CDK17: variants seen among roughly 807,000 people sequenced by gnomAD.
CDK17 encodes the protein cyclin dependent kinase 17, also known as cyclin-dependent kinase 17.
A neutral mutation model predicts 77.6 loss-of-function variants in CDK17; 24 were observed. The ratio of observed to expected loss-of-function variants is 0.31; its 90% CI spans 0.22 to 0.44. The LOEUF is 0.44. CDK17 is among the 20% of genes least tolerant of loss of function. CDK17 has a pLI of 1.00. For synonymous variants in CDK17, 203 were observed against 210.4 expected (o/e 0.96, Z 0.30); for missense variants, 429 against 622.5 (o/e 0.69, Z 3.31).
intron 5 of CDK17, among the ~76,000 whole-genome samples, chr12:96,301,367 G>A (rs1226578991): frequency 2.0e-5 from 3 of 151,520 alleles, no homozygotes; most frequent in African/African-American, 7.3e-5. Context: ...ATGATAAACA[G>A]GGTACATGAA....
chr12:96,358,152 A>G (rs1953429960), intron 1 of CDK17, among the ~76,000 whole-genome samples: 1 of 152,140 alleles, frequency 6.6e-6, no homozygotes, highest in Admixed American at 6.6e-5. Context: ...ATGCTTTTTA[A>G]AAATACAAAG....
intron 1 of CDK17, among the ~76,000 whole-genome samples, chr12:96,384,200 A>G (rs1953932875): frequency 1.3e-5 from 2 of 152,228 alleles, no homozygotes; most frequent in Non-Finnish European, 2.9e-5. Flanking sequence ...AACCACAACA[A>G]AATACCATCT....
At chr12:96,297,576 C>T in intron 8 of CDK17, 51 bp downstream of exon 8, 2 of 1,093,194 alleles carry the variant, frequency 1.8e-6, no homozygotes, top group Non-Finnish European at 2.7e-6. Context: ...GTCCAATTTA[C>T]TATGTTTTTC....
intron 5 of CDK17, among the ~76,000 whole-genome samples, chr12:96,303,702 A>G (rs913505001): frequency 8.5e-5 from 13 of 152,050 alleles, no homozygotes; most frequent in South Asian, 2.1e-4. Context: ...TTAAATTATA[A>G]TTTATAATAG....
At chr12:96,399,545 T>G (rs981779362) in intron 1 of CDK17, 3 of 145,190 alleles carry the variant, frequency 2.1e-5, no homozygotes, top group Admixed American at 6.8e-5. Flanking sequence ...GCCCCTTCCT[T>G]CCCCTCCCGG....
intron 1 of CDK17, among the ~76,000 whole-genome samples, chr12:96,375,709 T>C (rs1953769058): frequency 6.6e-6 from 1 of 151,880 alleles, no homozygotes; most frequent in Non-Finnish European, 1.5e-5. Flanking sequence ...CACGCCTGGG[T>C]AATTTTTTGT....
intron 2 of CDK17, among the ~76,000 whole-genome samples, chr12:96,329,946 ACTT>A (rs1952944300): frequency 6.6e-6 from 1 of 152,228 alleles, no homozygotes; most frequent in Non-Finnish European, 1.5e-5. Flanking sequence ...TTTTGGTGTT[ACTT>A]CTAATGCTAA....
intron 1 of CDK17, among the ~76,000 whole-genome samples, chr12:96,399,733 A>T (rs961282019): frequency 3.3e-5 from 5 of 151,960 alleles, no homozygotes; most frequent in Non-Finnish European, 7.4e-5. Flanking sequence ...CCTGGGAAGC[A>T]GCTCGCAGAC....
chr12:96,290,283 G>T (rs563120133), intron 10 of CDK17, among the ~76,000 whole-genome samples: 1 of 152,280 alleles, frequency 6.6e-6, no homozygotes, highest in Non-Finnish European at 1.5e-5. Flanking sequence ...TTACCTCGAA[G>T]CCTCTAAATT....
intron 1 of CDK17, among the ~76,000 whole-genome samples, chr12:96,386,060 C>T (rs910700131): frequency 6.6e-6 from 1 of 152,326 alleles, no homozygotes; most frequent in Non-Finnish European, 1.5e-5. Flanking sequence ...AACTCTGTCA[C>T]GCTGGCTGGG....
intron 1 of CDK17, among the ~76,000 whole-genome samples, chr12:96,356,845 A>G (rs1953401486): frequency 6.6e-6 from 1 of 152,232 alleles, no homozygotes; most frequent in East Asian, 1.9e-4. Context: ...CTTTAAACAT[A>G]TTTTTGTATA....
chr12:96,337,745 C>T (rs886083319), intron 1 of CDK17, among the ~76,000 whole-genome samples: 6 of 152,164 alleles, frequency 3.9e-5, no homozygotes, highest in African/African-American at 1.4e-4. Flanking sequence ...GCTATTGCCA[C>T]TCTCATCTAC....
At chr12:96,284,565 CTTT>C (rs1376483277) in intron 13 of CDK17, 3 of 138,118 alleles carry the variant, frequency 2.2e-5, no homozygotes, top group African/African-American at 2.6e-5. Flanking sequence ...TAGGGATTAT[CTTT>C]TTTTTTTTTT....
At chr12:96,385,044 T>C (rs1953950737) in intron 1 of CDK17, among the ~76,000 whole-genome samples, 2 of 147,276 alleles carry the variant, frequency 1.4e-5, no homozygotes, top group Admixed American at 1.4e-4. Flanking sequence ...CCAGGTGCAG[T>C]GGCTCACACC....
chr12:96,344,077 T>C (rs1431489871), intron 1 of CDK17, among the ~76,000 whole-genome samples: 1 of 152,008 alleles, frequency 6.6e-6, no homozygotes, highest in East Asian at 1.9e-4. Context: ...ACTAGAGTGG[T>C]TCAACAGATT....
chr12:96,297,277 T>C lies in CDK17; in HGVS notation c.866A>G (p.Asn289Ser). The C allele has an allele frequency of 6.2e-7, 1 of 1,607,366 alleles. No individual in the cohort carries two copies. The highest frequency in any genetic ancestry group is 8.5e-7 in the Non-Finnish European group (1 of 1,175,362). The stretch of plus-strand genomic sequence containing the variant: ...ACACGCAAGAAAACATACCTTTACG[T>C]TGTGCATACTCATGATGTTTCCACA... ...DDCGNIMSMHNVKLFLYQILR... is the reference protein window; with the variant it reads ...DDCGNIMSMHSVKLFLYQILR... Residue 289 changes from asparagine to serine, a missense_variant, in exon 9 of 17, where the codon AAC becomes AGC. Coordinates refer to ENST00000261211, the MANE Select transcript of CDK17 (RefSeq NM_002595.5).
chr12:96,377,376 G>A (rs891945554), intron 1 of CDK17, among the ~76,000 whole-genome samples: 1 of 152,000 alleles, frequency 6.6e-6, no homozygotes, highest in Non-Finnish European at 1.5e-5. Flanking sequence ...CACAAATAAA[G>A]GGCTAATCTC....
At chr12:96,308,235 A>G (rs902264808) in intron 5 of CDK17, among the ~76,000 whole-genome samples, 1 of 147,568 alleles carries the variant, frequency 6.8e-6, no homozygotes, top group African/African-American at 2.4e-5. Context: ...TCTCTAAAAA[A>G]AAAAAAAAAA....
At chr12:96,340,157 T>C (rs1470141805) in intron 1 of CDK17, among the ~76,000 whole-genome samples, 1 of 151,760 alleles carries the variant, frequency 6.6e-6, no homozygotes, top group South Asian at 2.1e-4. Flanking sequence ...GAGAAAAAAA[T>C]AGAATCACAT....
Sources: gnomAD v4.1 joint callset for allele counts (sites outside exome capture counted in the v4.1 genomes callset) on GRCh38, gnomAD v4.1.1 for gene constraint, MANE v1.5 for transcripts, NCBI Gene and HGNC (gene_info 2026-07-23, HGNC 2026-07-21) for gene names.